The following CSMD1 variants were observed in gnomAD, a reference collection of about 807,000 sequenced individuals.
CSMD1 encodes the protein CUB and sushi domain-containing protein 1.
CSMD1 carries 213 observed loss-of-function variants against 417.5 expected under a neutral mutation model. The observed-to-expected ratio is 0.51, with a 90% CI of 0.46 to 0.57. CSMD1 has a LOEUF of 0.57. Among genes scored for constraint, CSMD1 ranks in the 20% least tolerant of loss-of-function variants. The pLI is 0.00. For synonymous variants in CSMD1, 2,862 were observed against 1,736.8 expected (o/e 1.65, Z -16.11); for missense variants, 6,923 against 4,529.7 (o/e 1.53, Z -15.17).
chr8:3,542,426 T>C lies in CSMD1; in HGVS notation c.1344+32519A>G, dbSNP rs563672239. Among the ~76,000 whole-genome samples, 7 of 152,334 alleles carry C rather than the reference T, an allele frequency of 4.6e-5. No individual in the cohort carries two copies. In the South Asian group the frequency reaches 1.2e-3, roughly 27 times the overall value. ...CCCTGTTCCAGATACCGTTCTACGA[T>C]TGGATGTGCGTTAGGGAATGAAACT... On this transcript the variant is annotated intron_variant, in intron 10 of 69. Transcript: ENST00000635120.
chr8:3,199,056 T>C (rs1035670980), intron 33 of CSMD1, among the ~76,000 whole-genome samples: 2 of 152,234 alleles, frequency 1.3e-5, no homozygotes, highest in African/African-American at 4.8e-5. Context: ...GAACAGTTTA[T>C]GTGGTCATTT....
chr8:3,883,714 T>C (rs1406870217), intron 5 of CSMD1, among the ~76,000 whole-genome samples: 1 of 152,140 alleles, frequency 6.6e-6, no homozygotes, highest in Non-Finnish European at 1.5e-5. Flanking sequence ...GGTTATGATT[T>C]ATGGCTTGAA....
intron 1 of CSMD1, among the ~76,000 whole-genome samples, chr8:4,889,266 A>T (rs1803951840): frequency 6.6e-6 from 1 of 152,146 alleles, no homozygotes; most frequent in African/African-American, 2.4e-5. Flanking sequence ...TATTGCCAAA[A>T]ATCCATAGCC....
At chr8:3,630,621 G>A (rs1220654245) in intron 7 of CSMD1, among the ~76,000 whole-genome samples, 3 of 152,194 alleles carry the variant, frequency 2.0e-5, no homozygotes, top group Non-Finnish European at 4.4e-5. Flanking sequence ...GGGCTGGCAT[G>A]CTGAGTGAGG....
At chr8:3,601,211 G>A (rs1034649545) in intron 8 of CSMD1, among the ~76,000 whole-genome samples, 1 of 152,126 alleles carries the variant, frequency 6.6e-6, no homozygotes, top group Non-Finnish European at 1.5e-5. Flanking sequence ...CTGCTCATTG[G>A]CCTCACATCT....
At chr8:4,539,706 C>T (rs1797287316) in intron 2 of CSMD1, among the ~76,000 whole-genome samples, 2 of 152,176 alleles carry the variant, frequency 1.3e-5, no homozygotes, top group South Asian at 4.1e-4. Context: ...TATCCTAGCT[C>T]TATCCTTGAA....
chr8:3,778,613 G>A (rs941274953), intron 5 of CSMD1, among the ~76,000 whole-genome samples: 3 of 152,172 alleles, frequency 2.0e-5, no homozygotes, highest in African/African-American at 7.2e-5. Context: ...TCCTGTCTCT[G>A]TTCTGCACCT....
At chr8:3,073,951 C>T (rs1585280987) in intron 49 of CSMD1, among the ~76,000 whole-genome samples, 1 of 152,272 alleles carries the variant, frequency 6.6e-6, no homozygotes, top group East Asian at 1.9e-4. Context: ...AATTATTCCA[C>T]ACATAGAGGC....
In CSMD1 at chr8:3,597,830, C is replaced by T. The variant is rs148378970; in HGVS notation, c.1098-11570G>A. 5.7e-4 allele frequency among the ~76,000 whole-genome samples: 87 copies of T among 151,960 alleles called. 1 individual carries two copies. The East Asian group carries it at 0.017, about 29-fold the overall frequency. On this transcript the variant is annotated intron_variant, in intron 8 of 69. Coordinates refer to ENST00000635120, the MANE Select transcript of CSMD1 (RefSeq NM_033225.6). ...GGAGGGGAACATCACACACCGGGGC[C>T]TGTCGGGGGGTTGGGGACTAGGGGA...
chr8:4,037,704 G>C (rs753059328), intron 3 of CSMD1, among the ~76,000 whole-genome samples: 6 of 152,132 alleles, frequency 3.9e-5, no homozygotes, highest in Non-Finnish European at 8.8e-5. Context: ...GATTGAATGA[G>C]ATAACAGGTC....
At position 4,653,092 on chromosome 8, in the gene CSMD1, G is replaced by C. The variant is rs1393215458; in HGVS notation, c.86-15534C>G. ...CGCTCTAGAGGATGTGTTTATGAGA[G>C]ACAGAGCTCCTTGTCTCTTTCCCAG... On this transcript the variant is annotated intron_variant, in intron 1 of 69. Transcript: ENST00000635120. Among the ~76,000 whole-genome samples, 4 of 152,174 alleles carry C rather than the reference G, an allele frequency of 2.6e-5. 1 individual carries two copies. Among genetic ancestry groups the C allele is most frequent in the African/African-American group, 9.6e-5 (4 of 41,460 alleles).
intron 2 of CSMD1, among the ~76,000 whole-genome samples, chr8:4,587,556 T>A (rs1167999205): frequency 6.6e-6 from 1 of 152,110 alleles, no homozygotes; most frequent in Admixed American, 6.6e-5. Context: ...GGAAATTTAT[T>A]TTGATACAGA....
intron 2 of CSMD1, among the ~76,000 whole-genome samples, chr8:4,556,836 G>A (rs888229417): frequency 1.3e-4 from 20 of 152,096 alleles, no homozygotes; most frequent in Non-Finnish European, 2.8e-4. Flanking sequence ...GGAGCACTTA[G>A]GATTTGGGAT....
chr8:3,270,510 G>A lies in CSMD1; in HGVS notation c.4153+13634C>T, dbSNP rs111989517. Among the ~76,000 whole-genome samples the A allele has an allele frequency of 2.7e-3, 404 of 152,294 alleles. 5 individuals carry two copies. The highest frequency in any genetic ancestry group is 9.5e-3 in the African/African-American group (394 of 41,572). On this transcript the variant is annotated intron_variant, in intron 26 of 69. Transcript: ENST00000635120. Reference sequence around the variant, plus strand: ...CCATTGAACTTCATAAAACTATTCTGCCTGATTTCCAACTGGTATCAAAAT... The same window carrying A: ...CCATTGAACTTCATAAAACTATTCTACCTGATTTCCAACTGGTATCAAAAT...
chr8:3,257,298 C>T lies in CSMD1; in HGVS notation c.4153+26846G>A, dbSNP rs186392676. ...AAAACCGTGCCACTGCACTCCAGCCCGCGCTATAAGAGTGAAACTCCATCT... is the reference window on the plus strand; with the variant it reads ...AAAACCGTGCCACTGCACTCCAGCCTGCGCTATAAGAGTGAAACTCCATCT... On this transcript the variant is annotated intron_variant, in intron 26 of 69. Coordinates refer to ENST00000635120, the MANE Select transcript of CSMD1 (RefSeq NM_033225.6). Among the ~76,000 whole-genome samples the T allele has an allele frequency of 2.3e-3, 352 of 152,264 alleles. 1 individual carries two copies. Among genetic ancestry groups the T allele is most frequent in the Middle Eastern group, 6.8e-3 (2 of 294 alleles).
rs527547810 is a variant in CSMD1, at chr8:4,753,449, G to A, written c.86-115891C>T. Among the ~76,000 whole-genome samples the A allele has an allele frequency of 3.2e-3, 436 of 136,208 alleles. 1 individual carries two copies. Among genetic ancestry groups the A allele is most frequent in the Non-Finnish European group, 5.3e-3 (330 of 61,848 alleles). The allele number at this position is 136,208 out of a possible 152,430, so 89.4% of individuals were successfully genotyped here. The stretch of plus-strand genomic sequence containing the variant: ...CACACACACACACACACACACACAT[G>A]CGCACACACTCCTTTGTGTCTTATG... On this transcript the variant is annotated intron_variant, in intron 1 of 69. Coordinates refer to ENST00000635120, the MANE Select transcript of CSMD1 (RefSeq NM_033225.6).
intron 41 of CSMD1, among the ~76,000 whole-genome samples, chr8:3,124,241 T>C (rs1817371628): frequency 6.6e-6 from 1 of 152,304 alleles, no homozygotes; most frequent in African/African-American, 2.4e-5. Context: ...TCTACTCTGT[T>C]ATAAATGCTA....
chr8:4,023,095 C>G (rs1796870998), intron 4 of CSMD1, among the ~76,000 whole-genome samples: 1 of 152,132 alleles, frequency 6.6e-6, no homozygotes, highest in Non-Finnish European at 1.5e-5. Context: ...GGTTGAGCTT[C>G]AGCTAATGCA....
chr8:4,712,919 T>C (rs371401360), intron 1 of CSMD1, among the ~76,000 whole-genome samples: 7 of 152,302 alleles, frequency 4.6e-5, no homozygotes, highest in South Asian at 2.1e-4. Context: ...GGGTGCTTGA[T>C]TGACATACAA....
Sources: allele counts gnomAD v4.1 joint callset (sites outside exome capture counted in the v4.1 genomes callset), GRCh38; gene constraint gnomAD v4.1.1; transcripts MANE v1.5; gene names NCBI Gene and HGNC (gene_info 2026-07-23, HGNC 2026-07-21).